Variants in CPNE2 observed in about 807,000 individuals in gnomAD.
The protein encoded by CPNE2 is copine 2, also known as copine-2.
CPNE2 carries 42 observed loss-of-function variants against 69.7 expected under a neutral mutation model. The ratio of observed to expected loss-of-function variants is 0.60; its 90% CI spans 0.47 to 0.78. The LOEUF (loss-of-function observed/expected upper bound fraction) is 0.78, where lower values mean the gene tolerates loss of function less well. CPNE2 is among the 30% of genes least tolerant of loss of function. The probability of loss-of-function intolerance (pLI) is 0.00; values close to 1 mark genes in which losing one functional copy is unlikely to be tolerated. For synonymous variants in CPNE2, 294 were observed against 289.8 expected (o/e 1.01, Z -0.15); for missense variants, 587 against 732.0 (o/e 0.80, Z 2.29).
At chr16:57,134,932 C>A in intron 13 of CPNE2, 106 bp downstream of exon 13, 1 of 1,214,478 alleles carries the variant, frequency 8.2e-7, no homozygotes, top group Non-Finnish European at 1.2e-6. Context: ...TTCTCCTTTC[C>A]CCTCCCCCTT....
chr16:57,123,295 C>G, intron 9 of CPNE2, 119 bp from the exon 10 acceptor site: 1 of 963,690 alleles, frequency 1.0e-6, no homozygotes, highest in Non-Finnish European at 1.6e-6. Flanking sequence ...TAGATCAGGC[C>G]CATCAGCTTT....
intron 12 of CPNE2, among the ~76,000 whole-genome samples, chr16:57,129,470 C>T (rs1173907554): frequency 6.6e-5 from 10 of 151,970 alleles, no homozygotes; most frequent in African/African-American, 2.2e-4. Flanking sequence ...AGATGAGGAA[C>T]GGGGTGGGTG....
At chr16:57,137,647 G>T (rs1470360373) in intron 14 of CPNE2, among the ~76,000 whole-genome samples, 1 of 152,186 alleles carries the variant, frequency 6.6e-6, no homozygotes, top group African/African-American at 2.4e-5. Flanking sequence ...AATCAGAGCT[G>T]CCCCTGCCTT....
intron 1 of CPNE2, among the ~76,000 whole-genome samples, chr16:57,108,342 GAC>G (rs2145242847): frequency 6.6e-6 from 1 of 152,358 alleles, no homozygotes; most frequent in South Asian, 2.1e-4. Context: ...TTGTTCAGGT[GAC>G]ATGCTCAATT....
intron 10 of CPNE2, chr16:57,124,455 C>T (rs1033022089): frequency 3.1e-5 from 14 of 445,022 alleles, no homozygotes; most frequent in Admixed American, 2.0e-4. Flanking sequence ...CCCTGATCGT[C>T]GCACCCACTG....
chr16:57,131,711 C>T (rs71387152), intron 12 of CPNE2, among the ~76,000 whole-genome samples: 5,244 of 152,290 alleles, frequency 0.034, 148 homozygotes, highest in African/African-American at 0.077. Context: ...CCATGGGAGC[C>T]GCCAGGCCTG....
At chr16:57,093,094 C>T (rs2145226524) in intron 1 of CPNE2, among the ~76,000 whole-genome samples, 1 of 152,186 alleles carries the variant, frequency 6.6e-6, no homozygotes, top group African/African-American at 2.4e-5. Context: ...CTTCCACCCG[C>T]CCCGAGGGGC....
chr16:57,122,910 T>C (rs1164315575), intron 9 of CPNE2, among the ~76,000 whole-genome samples: 11 of 151,904 alleles, frequency 7.2e-5, no homozygotes, highest in African/African-American at 2.7e-4. Context: ...TTTCTCTTTT[T>C]TTTTTTTTTT....
intron 1 of CPNE2, among the ~76,000 whole-genome samples, chr16:57,093,262 C>T (rs757865221): frequency 2.5e-4 from 37 of 145,160 alleles, no homozygotes; most frequent in Non-Finnish European, 4.1e-4. Context: ...TGCCGGAGGG[C>T]CGGCTCCCAG....
At chr16:57,114,204 G>C (rs1479694319) in intron 3 of CPNE2, among the ~76,000 whole-genome samples, 1 of 152,200 alleles carries the variant, frequency 6.6e-6, no homozygotes, top group African/African-American at 2.4e-5. Flanking sequence ...CCTACCCTGT[G>C]GTATAACTGA....
intron 12 of CPNE2, among the ~76,000 whole-genome samples, chr16:57,133,508 G>A (rs955068462): frequency 3.9e-5 from 6 of 152,072 alleles, no homozygotes; most frequent in Admixed American, 6.6e-5. Context: ...TCTGGGCCTC[G>A]GTTTGTTTAT....
chr16:57,140,868 A>ATTTT (rs55901819), intron 14 of CPNE2: 1 of 86,096 alleles, frequency 1.2e-5, no homozygotes, highest in African/African-American at 5.0e-5. Flanking sequence ...CCCGGCCGGG[A>ATTTT]TTTTTTTTTT....
intron 1 of CPNE2, among the ~76,000 whole-genome samples, chr16:57,109,651 G>A (rs2069668376): frequency 6.6e-6 from 1 of 152,172 alleles, no homozygotes; most frequent in Admixed American, 6.5e-5. Context: ...TCCTGATGTT[G>A]CCATGGCATT....
At chr16:57,120,534 G>A (rs953577018) in intron 7 of CPNE2, among the ~76,000 whole-genome samples, 5 of 152,156 alleles carry the variant, frequency 3.3e-5, no homozygotes, top group Non-Finnish European at 7.3e-5. Flanking sequence ...TGGGACTGGG[G>A]AGACAGCTAG....
chr16:57,126,084 A>G, intron 11 of CPNE2, 91 bp downstream of exon 11: 13 of 1,515,502 alleles, frequency 8.6e-6, no homozygotes, highest in Admixed American at 3.9e-5. Flanking sequence ...CCCAGAGATC[A>G]TCAAATCTAG....
chr16:57,105,406 T>C (rs1013108954), intron 1 of CPNE2, among the ~76,000 whole-genome samples: 36 of 151,540 alleles, frequency 2.4e-4, no homozygotes, highest in Non-Finnish European at 1.8e-4. Flanking sequence ...GTGGACCCTG[T>C]GAGGGCTGAA....
intron 14 of CPNE2, chr16:57,145,669 C>T: frequency 4.5e-6 from 1 of 223,012 alleles, no homozygotes; most frequent in Non-Finnish European, 9.1e-6. Flanking sequence ...GCTGACTGGG[C>T]CACTGCCACG....
chr16:57,092,729 C>G lies in CPNE2; in HGVS notation c.-97C>G, dbSNP rs1460726821. 3 of 150,370 alleles carry G rather than the reference C, an allele frequency of 2.0e-5. No individual in the cohort carries two copies. The highest frequency in any genetic ancestry group is 7.3e-5 in the African/African-American group (3 of 41,154). The allele number at this position is 150,370 out of a possible 1,614,324, so 9.3% of individuals were successfully genotyped here. A position where few individuals can be genotyped will look rare whatever the true frequency, so the allele number is the denominator to read the frequency against. ...GGAGCAGCTCCCGGGGATGCCCGGGCGGCTCGGAGCGCGGGCAGCGGCAGC... is the reference window on the plus strand; with the variant it reads ...GGAGCAGCTCCCGGGGATGCCCGGGGGGCTCGGAGCGCGGGCAGCGGCAGC... On this transcript the variant is annotated 5_prime_UTR_variant, in exon 1 of 16. Transcript: ENST00000290776. This position sits in a 1 kb window ranked among gnomAD's most constrained non-coding sequence, Gnocchi z 5.3.
At chr16:57,121,252 G>A (rs978412578) in intron 8 of CPNE2, 61 bp downstream of exon 8, 44 of 1,461,390 alleles carry the variant, frequency 3.0e-5, no homozygotes, top group Admixed American at 7.5e-5. Context: ...AAGGGGCACC[G>A]GGTCTTGGGT....
Sources: gnomAD v4.1 joint callset for allele counts (sites outside exome capture counted in the v4.1 genomes callset) on GRCh38, gnomAD v4.1.1 for gene constraint, Gnocchi (gnomAD v3.1) non-coding constraint, MANE v1.5 for transcripts, NCBI Gene and HGNC (gene_info 2026-07-23, HGNC 2026-07-21) for gene names.